The following HSBP1 variants were observed in gnomAD, a reference collection of about 807,000 sequenced individuals.
HSBP1 encodes the protein heat shock factor-binding protein 1.
HSBP1 carries 5 observed loss-of-function variants against 9.6 expected under a neutral mutation model. The observed-to-expected ratio is 0.52, with a 90% confidence interval of 0.27 to 1.09. The LOEUF (loss-of-function observed/expected upper bound fraction) is 1.09. HSBP1 is among the 50% of genes least tolerant of loss of function. The probability of loss-of-function intolerance (pLI) is 0.11; values close to 1 mark genes in which losing one functional copy is unlikely to be tolerated. For synonymous variants in HSBP1, 42 were observed against 33.3 expected (o/e 1.26, Z -0.90); for missense variants, 121 against 96.3 (o/e 1.26, Z -1.07).
intron 3 of HSBP1, among the ~76,000 whole-genome samples, 159 bp from the exon 4 acceptor site, chr16:83,811,262 A>T (rs947331924): frequency 6.6e-6 from 1 of 152,252 alleles, no homozygotes; most frequent in African/African-American, 2.4e-5. Flanking sequence ...ACTTTTAAAG[A>T]TATTTCCAGT....
chr16:83,808,107 G>A lies in HSBP1; in HGVS notation c.31G>A (p.Asp11Asn). 1 of 1,547,454 alleles carries A rather than the reference G, an allele frequency of 6.5e-7. No homozygotes were observed. Among genetic ancestry groups the A allele is most frequent in the Non-Finnish European group, 8.7e-7 (1 of 1,145,078 alleles). The part of the protein sequence containing the change: MAETDPKTVQ[D>N]LTSVVQTLLQ... Reference sequence around the variant, plus strand: ...CGAGACTGACCCCAAGACCGTGCAGGACCTCACCTCGGTGGTAAGGGACGG... The same window carrying A: ...CGAGACTGACCCCAAGACCGTGCAGAACCTCACCTCGGTGGTAAGGGACGG... Residue 11 changes from aspartate (D) to asparagine (N), a missense_variant, in exon 1 of 4, where the codon GAC becomes AAC. Physicochemically the swap from Asp to Asn is conservative, Grantham distance 23. Coordinates refer to ENST00000433866, the MANE Select transcript of HSBP1 (RefSeq NM_001537.4).
At position 83,808,423 on chromosome 16, in the gene HSBP1, C is replaced by T. The variant is rs1904513621; in HGVS notation, c.46-257C>T. 1.6e-5 allele frequency: 9 copies of T among 569,208 alleles called. No individual in the cohort carries two copies. In the South Asian group the frequency reaches 1.8e-4, roughly 11 times the overall value. 35.3% of individuals were successfully genotyped at this position (569,208 alleles called of 1,614,324 possible). On this transcript the variant is annotated intron_variant, in intron 1 of 3. Transcript: ENST00000433866. ...CCTCCCCGCCCTTCAACTCCTCACA[C>T]ACCCCCGGGTGCCCCAGCCCGGCAG...
chr16:83,808,282 C>G, intron 1 of HSBP1, 161 bp downstream of exon 1: 1 of 633,120 alleles, frequency 1.6e-6, no homozygotes, highest in Non-Finnish European at 2.6e-6. Context: ...CCTTGACCCC[C>G]GGGGCGCTCG....
At position 83,814,107 on chromosome 16, in the gene HSBP1, C is replaced by A. The variant is rs979035468; in HGVS notation, c.*2689C>A. On this transcript the variant is annotated 3_prime_UTR_variant, in exon 4 of 4. Transcript: ENST00000433866. ...AGCCTTCCCAAGCAGACACTGTGTTCCTCTTTTATTTTGTATTTTGCACAT... is the reference window on the plus strand; with the variant it reads ...AGCCTTCCCAAGCAGACACTGTGTTACTCTTTTATTTTGTATTTTGCACAT... The A allele has an allele frequency of 6.6e-6, 1 of 152,134 alleles. No homozygotes were observed. The highest frequency in any genetic ancestry group is 2.4e-5 in the African/African-American group (1 of 41,404). The allele number at this position is 152,134 out of a possible 1,614,324, so 9.4% of individuals were successfully genotyped here.
chr16:83,809,866 C>A (rs1265845902), intron 3 of HSBP1, among the ~76,000 whole-genome samples: 3 of 152,118 alleles, frequency 2.0e-5, no homozygotes, highest in Admixed American at 1.3e-4. Context: ...ATGATCCCAG[C>A]AAGCATCACT....
rs1904623574 is a variant in HSBP1 at position 83,812,504 on chromosome 16, A to T, written c.*1086A>T. The T allele has an allele frequency of 6.6e-6, 1 of 152,226 alleles. No homozygotes were observed. The highest frequency in any genetic ancestry group is 2.4e-5 in the African/African-American group (1 of 41,460). 9.4% of individuals were successfully genotyped at this position (152,226 alleles called of 1,614,324 possible). On this transcript the variant is annotated 3_prime_UTR_variant, in exon 4 of 4. Transcript: ENST00000433866. ...ACTGATGACCTGGAAGGTGATCCAT[A>T]TGATTGTCACCACAAAGTGCTTTTA...
In HSBP1 at chr16:83,813,267, T is replaced by C. The variant is rs1904642415; in HGVS notation, c.*1849T>C. On this transcript the variant is annotated 3_prime_UTR_variant, in exon 4 of 4. Transcript: ENST00000433866. ...GCAGGAAGGAAGGGGTTATGGTCAC[T>C]TGGGTTTAGACGACATTCTGTGAAC... 1 of 152,288 alleles carries C rather than the reference T, an allele frequency of 6.6e-6. No homozygotes were observed. Among genetic ancestry groups the C allele is most frequent in the African/African-American group, 2.4e-5 (1 of 41,440 alleles). The allele number at this position is 152,288 out of a possible 1,614,324, so 9.4% of individuals were successfully genotyped here.
chr16:83,808,293 G>A, intron 1 of HSBP1, 172 bp downstream of exon 1: 1 of 600,554 alleles, frequency 1.7e-6, no homozygotes, highest in Non-Finnish European at 2.8e-6. Context: ...GGGGCGCTCG[G>A]TGCGGGCCAG....
chr16:83,817,445 G>A lies in HSBP1; in HGVS notation c.*6027G>A, dbSNP rs1342109122. The A allele has an allele frequency of 6.6e-6, 1 of 152,258 alleles. No individual in the cohort carries two copies. Among genetic ancestry groups the A allele is most frequent in the African/African-American group, 2.4e-5 (1 of 41,458 alleles). The allele number at this position is 152,258 out of a possible 1,614,324, so 9.4% of individuals were successfully genotyped here. On this transcript the variant is annotated 3_prime_UTR_variant, in exon 4 of 4. Transcript: ENST00000433866. ...ATTTTTCCTGCCTGTCCTGGGCCAGGTATGGCGCTAGCTGCTTTCACCTGT... is the reference window on the plus strand; with the variant it reads ...ATTTTTCCTGCCTGTCCTGGGCCAGATATGGCGCTAGCTGCTTTCACCTGT...
In HSBP1 at chr16:83,816,926, C is replaced by T. The variant is rs1343893180; in HGVS notation, c.*5508C>T. On this transcript the variant is annotated 3_prime_UTR_variant, in exon 4 of 4. Coordinates refer to ENST00000433866, the MANE Select transcript of HSBP1 (RefSeq NM_001537.4). ...TCGGGTGGACAACCTACAGTGTTTGCTACAGACCTTCTAGATGTAACTTCT... is the reference window on the plus strand; with the variant it reads ...TCGGGTGGACAACCTACAGTGTTTGTTACAGACCTTCTAGATGTAACTTCT... 2.6e-5 allele frequency: 4 copies of T among 152,208 alleles called. No homozygotes were observed. The highest frequency in any genetic ancestry group is 2.1e-4 in the South Asian group (1 of 4,828). The allele number at this position is 152,208 out of a possible 1,614,324, so 9.4% of individuals were successfully genotyped here.
At position 83,809,255 on chromosome 16, in the gene HSBP1, G is replaced by A. The variant is rs1209993241; in HGVS notation, c.113-50G>A. 5 of 1,187,846 alleles carry A rather than the reference G, an allele frequency of 4.2e-6. No individual in the cohort carries two copies. In the Admixed American group the frequency reaches 8.1e-5, roughly 19 times the overall value. 73.6% of individuals were successfully genotyped at this position (1,187,846 alleles called of 1,614,324 possible). ...AAGGCTGTAGTCTGCAGGGACGGGAGGAAAAAGGCTCAATGAGATGTTGGC... is the reference window on the plus strand; with the variant it reads ...AAGGCTGTAGTCTGCAGGGACGGGAAGAAAAAGGCTCAATGAGATGTTGGC... On this transcript the variant is annotated intron_variant, in intron 2 of 3. Coordinates refer to ENST00000433866, the MANE Select transcript of HSBP1 (RefSeq NM_001537.4).
chr16:83,810,175 ACTTT>A (rs1236232131), intron 3 of HSBP1, among the ~76,000 whole-genome samples: 3 of 151,202 alleles, frequency 2.0e-5, no homozygotes, highest in African/African-American at 7.3e-5. Flanking sequence ...AATTCTGGAG[ACTTT>A]CTTGGTAACT....
rs1904761242 is a variant in HSBP1 at position 83,818,077 on chromosome 16, C to T, written c.*6659C>T. 6.6e-6 allele frequency: 1 copy of T among 152,122 alleles called. No individual in the cohort carries two copies. The highest frequency in any genetic ancestry group is 2.4e-5 in the African/African-American group (1 of 41,418). The allele number at this position is 152,122 out of a possible 1,614,324, so 9.4% of individuals were successfully genotyped here. ...CATCTGTCAAAAGTACGCAGTCTTGCTTGTAGAATTTTAGAGGTTCATGGT... is the reference window on the plus strand; with the variant it reads ...CATCTGTCAAAAGTACGCAGTCTTGTTTGTAGAATTTTAGAGGTTCATGGT... On this transcript the variant is annotated 3_prime_UTR_variant, in exon 4 of 4. Transcript: ENST00000433866.
In HSBP1 at chr16:83,814,962, C is replaced by G. The variant is rs930343046; in HGVS notation, c.*3544C>G. 2 of 152,116 alleles carry G rather than the reference C, an allele frequency of 1.3e-5. No homozygotes were observed. The highest frequency in any genetic ancestry group is 1.3e-4 in the Admixed American group (2 of 15,276). 9.4% of individuals were successfully genotyped at this position (152,116 alleles called of 1,614,324 possible). On this transcript the variant is annotated 3_prime_UTR_variant, in exon 4 of 4. Coordinates refer to ENST00000433866, the MANE Select transcript of HSBP1 (RefSeq NM_001537.4). Reference sequence around the variant, plus strand: ...CCCGGGGGATAAAAAGACACCCCCCCGCCACTCCGTGACCTATTAGCTTAC... The same window carrying G: ...CCCGGGGGATAAAAAGACACCCCCCGGCCACTCCGTGACCTATTAGCTTAC...
intron 2 of HSBP1, chr16:83,809,090 G>C (rs1904534682): frequency 3.6e-6 from 2 of 552,970 alleles, no homozygotes; most frequent in South Asian, 2.5e-5. Context: ...TTGAGGTTTA[G>C]GGGTTCCATC....
intron 3 of HSBP1, among the ~76,000 whole-genome samples, chr16:83,811,037 C>A (rs1904589158): frequency 6.6e-6 from 1 of 152,166 alleles, no homozygotes; most frequent in African/African-American, 2.4e-5. Flanking sequence ...TAACTGCTTT[C>A]TATGGGTTAT....
chr16:83,815,511 CAAAAA>C lies in HSBP1; in HGVS notation c.*4104_*4108del. The C allele has an allele frequency of 7.4e-6, 1 of 135,420 alleles. No individual in the cohort carries two copies. Among genetic ancestry groups the C allele is most frequent in the Non-Finnish European group, 1.6e-5 (1 of 64,040 alleles). 8.4% of individuals were successfully genotyped at this position (135,420 alleles called of 1,614,324 possible). A position where few individuals can be genotyped will look rare whatever the true frequency, so the allele number is the denominator to read the frequency against. ...GGGGTGACAGAGCAAGACCCTGTCT[CAAAAA>C]AAAAAAAAAAGGGCGGATCCTAACG... On this transcript the variant is annotated 3_prime_UTR_variant, in exon 4 of 4. Transcript: ENST00000433866.
rs553603260 is a variant in HSBP1 at position 83,812,259 on chromosome 16, A to C, written c.*841A>C. 6.5e-6 allele frequency: 1 copy of C among 152,778 alleles called. No individual in the cohort carries two copies. Among genetic ancestry groups the C allele is most frequent in the East Asian group, 1.9e-4 (1 of 5,192 alleles). 9.5% of individuals were successfully genotyped at this position (152,778 alleles called of 1,614,324 possible). ...GACTTGAAAAGAAAGAGAGAAGGAA[A>C]AGAGACCATATTAAGTCCATGCCAG... On this transcript the variant is annotated 3_prime_UTR_variant, in exon 4 of 4. Transcript: ENST00000433866.
At position 83,814,944 on chromosome 16, in the gene HSBP1, G is replaced by A. The variant is rs1240296201; in HGVS notation, c.*3526G>A. 1 of 145,134 alleles carries A rather than the reference G, an allele frequency of 6.9e-6. No homozygotes were observed. Among genetic ancestry groups the A allele is most frequent in the Non-Finnish European group, 1.6e-5 (1 of 64,388 alleles). The allele number at this position is 145,134 out of a possible 1,614,324, so 9.0% of individuals were successfully genotyped here. ...TTATTGCTTGAGGCCCAACCCGGGG[G>A]ATAAAAAGACACCCCCCCGCCACTC... On this transcript the variant is annotated 3_prime_UTR_variant, in exon 4 of 4. Coordinates refer to ENST00000433866, the MANE Select transcript of HSBP1 (RefSeq NM_001537.4).
Sources: allele counts gnomAD v4.1 joint callset (sites outside exome capture counted in the v4.1 genomes callset), GRCh38; gene constraint gnomAD v4.1.1; transcripts MANE v1.5; gene names NCBI Gene and HGNC (gene_info 2026-07-23, HGNC 2026-07-21).